Variants in TECR observed in about 807,000 individuals in gnomAD.
TECR encodes very-long-chain enoyl-CoA reductase.
In TECR, 19 loss-of-function variants were observed where a neutral mutation model predicts 50.6. That is an observed-to-expected ratio of 0.38 (90% CI 0.26 to 0.55). TECR has a LOEUF of 0.55. TECR is among the 20% of genes least tolerant of loss of function. TECR has a pLI of 0.79. For missense variants in TECR, 313 were observed against 408.3 expected (o/e 0.77, Z 2.01); for synonymous variants, 168 against 163.5 (o/e 1.03, Z -0.21).
chr19:14,564,661 G>A, intron 7 of TECR, 125 bp from the exon 8 acceptor site: 3 of 686,228 alleles, frequency 4.4e-6, no homozygotes, highest in Admixed American at 2.4e-5. Flanking sequence ...ATCCTCCCCA[G>A]CCCCGCCCCA....
chr19:14,565,440 G>T, intron 11 of TECR, 150 bp downstream of exon 11: 2 of 1,339,758 alleles, frequency 1.5e-6, no homozygotes, highest in Non-Finnish European at 2.1e-6. Context: ...CTCTGCTGTG[G>T]TGGCGGGGAG....
chr19:14,555,595 G>C (rs1378762245), intron 1 of TECR, among the ~76,000 whole-genome samples: 1 of 151,824 alleles, frequency 6.6e-6, no homozygotes, highest in African/African-American at 2.4e-5. Flanking sequence ...ACAGGTGTGT[G>C]CCACCACACT....
At position 14,564,116 on chromosome 19, in the gene TECR, A is replaced by AG. The variant is rs751193482; in HGVS notation, c.383+21dup. The AG allele has an allele frequency of 4.2e-5, 67 of 1,609,006 alleles. No homozygotes were observed. Among genetic ancestry groups the AG allele is most frequent in the Non-Finnish European group, 5.6e-5 (66 of 1,179,732 alleles). ...TGGTGCAGTAAGTGGGGCAGGTGGG[A>AG]GGAGGGTAGGGGAAGGCAGAAGACC... On this transcript the variant is annotated intron_variant, in intron 6 of 12. Coordinates refer to ENST00000215567, the MANE Select transcript of TECR (RefSeq NM_138501.6).
intron 1 of TECR, chr19:14,562,252 C>G (rs2073925278): frequency 1.7e-6 from 1 of 604,744 alleles, no homozygotes; most frequent in Non-Finnish European, 2.9e-6. Flanking sequence ...GGGCTCCTTT[C>G]CAGCACCGCG....
intron 1 of TECR, among the ~76,000 whole-genome samples, chr19:14,542,187 A>G (rs1336738666): frequency 2.0e-5 from 3 of 151,566 alleles, no homozygotes; most frequent in African/African-American, 7.3e-5. Flanking sequence ...CTGGTCTCCA[A>G]CTCTTGGGCT....
chr19:14,543,120 A>G (rs951209943), intron 1 of TECR, among the ~76,000 whole-genome samples: 2 of 150,874 alleles, frequency 1.3e-5, no homozygotes, highest in Non-Finnish European at 3.0e-5. Context: ...CTGGGGCTTC[A>G]GGAAACATCT....
chr19:14,546,955 A>G (rs962813460), intron 1 of TECR, among the ~76,000 whole-genome samples: 3 of 152,212 alleles, frequency 2.0e-5, no homozygotes, highest in Non-Finnish European at 4.4e-5. Context: ...TTGGCCTCCC[A>G]AAGTGCTGGG....
At chr19:14,540,303 C>T (rs1223945340) in intron 1 of TECR, among the ~76,000 whole-genome samples, 4 of 151,966 alleles carry the variant, frequency 2.6e-5, no homozygotes, top group African/African-American at 7.3e-5. Flanking sequence ...CTCCTGACCT[C>T]GTGATCCACC....
intron 1 of TECR, among the ~76,000 whole-genome samples, chr19:14,535,566 ATATATATATATATATATATATATG>A (rs1307097607): frequency 0.021 from 412 of 19,788 alleles, 21 homozygotes; most frequent in South Asian, 0.067. Context: ...ATATATATAT[ATATATATATATATATATATATATG>A]TATGTATATA....
intron 1 of TECR, among the ~76,000 whole-genome samples, chr19:14,542,547 A>G (rs1349928986): frequency 6.6e-6 from 1 of 150,994 alleles, no homozygotes; most frequent in Non-Finnish European, 1.5e-5. Context: ...TTTTTAGTAG[A>G]AATGTTGTTT....
At chr19:14,552,172 C>CTTTTTTTT in intron 1 of TECR, among the ~76,000 whole-genome samples, 1 of 133,488 alleles carries the variant, frequency 7.5e-6, no homozygotes, top group Non-Finnish European at 1.6e-5. Flanking sequence ...TTTCTTTTTT[C>CTTTTTTTT]TTTTTTTTTT....
At chr19:14,532,591 T>G (rs2072715551) in intron 1 of TECR, 1 of 152,016 alleles carries the variant, frequency 6.6e-6, no homozygotes. Context: ...TAAATTGTTA[T>G]TTTGCTGTGT....
At chr19:14,535,756 CAAAAAAAAAA>C (rs1161257175) in intron 1 of TECR, among the ~76,000 whole-genome samples, 1 of 51,944 alleles carries the variant, frequency 1.9e-5, no homozygotes, top group Non-Finnish European at 3.3e-5. Context: ...GACTCTGTCT[CAAAAAAAAAA>C]AAAAAAAAAA....
At chr19:14,531,289 G>A (rs1433326303) in intron 1 of TECR, 1 of 151,906 alleles carries the variant, frequency 6.6e-6, no homozygotes, top group Admixed American at 6.6e-5. Flanking sequence ...TGCCCTCCTC[G>A]GCCTCCCAAA....
At chr19:14,558,374 C>G (rs1054764448) in intron 1 of TECR, among the ~76,000 whole-genome samples, 2 of 152,204 alleles carry the variant, frequency 1.3e-5, no homozygotes, top group African/African-American at 4.8e-5. Flanking sequence ...CGGCACTCCC[C>G]TCTGGGCTTG....
At position 14,545,682 on chromosome 19, in the gene TECR, C is replaced by T. The variant is rs114217837; in HGVS notation, c.15+15971C>T. 7.8e-3 allele frequency: 1,323 copies of T among 169,224 alleles called. 17 individuals are homozygous for T. Among genetic ancestry groups the T allele is most frequent in the African/African-American group, 0.03 (1,258 of 41,988 alleles). The allele number at this position is 169,224 out of a possible 1,614,324, so 10.5% of individuals were successfully genotyped here. A position where few individuals can be genotyped will look rare whatever the true frequency, so the allele number is the denominator to read the frequency against. ...CAGTCCGTGTTGGTTGCGTGCATGG[C>T]GAGTGCAAACTGCACAGTTAGCAGA... On this transcript the variant is annotated intron_variant, in intron 1 of 12. Transcript: ENST00000215567.
intron 1 of TECR, among the ~76,000 whole-genome samples, chr19:14,543,674 G>A (rs1204985498): frequency 6.7e-6 from 1 of 149,116 alleles, no homozygotes; most frequent in Non-Finnish European, 1.5e-5. Context: ...TCCTGACCTC[G>A]TGATCCTCCC....
intron 1 of TECR, among the ~76,000 whole-genome samples, chr19:14,550,925 G>A (rs1451640240): frequency 6.6e-6 from 1 of 151,910 alleles, no homozygotes. Flanking sequence ...GCCCACCTTG[G>A]CCTCCCAGAG....
In TECR at chr19:14,563,916, C is replaced by A. The variant is rs1395662559; in HGVS notation, c.267+13C>A. The A allele has an allele frequency of 1.2e-6, 2 of 1,613,882 alleles. No individual in the cohort carries two copies. The highest frequency in any genetic ancestry group is 1.3e-5 in the African/African-American group (1 of 74,890). On this transcript the variant is annotated intron_variant, in intron 5 of 12. Transcript: ENST00000215567. This position sits in a 1 kb window ranked among gnomAD's most constrained non-coding sequence, Gnocchi z 5.3. ...CAGCTGGGTGACGGTGAGTCCTGAC[C>A]CTACCCACGGCCTCTTTTCCCGTCA...
Sources: allele counts gnomAD v4.1 joint callset (sites outside exome capture counted in the v4.1 genomes callset), GRCh38; gene constraint gnomAD v4.1.1; non-coding constraint Gnocchi (gnomAD v3.1); transcripts MANE v1.5; gene names NCBI Gene and HGNC (gene_info 2026-07-23, HGNC 2026-07-21).